STK10: variants seen among roughly 807,000 people sequenced by gnomAD.
The protein encoded by STK10 is serine/threonine kinase 10, also known as serine/threonine-protein kinase 10.
A neutral mutation model predicts 113.8 loss-of-function variants in STK10; 78 were observed. That is an observed-to-expected ratio of 0.69 (90% CI 0.57 to 0.83). The LOEUF is 0.83. Among genes scored for constraint, STK10 ranks in the 40% least tolerant of loss-of-function variants. The pLI, the probability that STK10 is intolerant of heterozygous loss-of-function variation, is 0.00. For synonymous variants in STK10, 465 were observed against 494.7 expected, an observed-to-expected ratio of 0.94 and a Z score of 0.80; for missense variants, 1,109 against 1,280.1, an observed-to-expected ratio of 0.87 and a Z score of 2.04.
At chr5:172,066,321 C>T (rs1422489819) in intron 12 of STK10, among the ~76,000 whole-genome samples, 2 of 130,486 alleles carry the variant, frequency 1.5e-5, no homozygotes, top group African/African-American at 6.0e-5. Flanking sequence ...GGATAAGTTT[C>T]CTATTTTTTT....
chr5:172,102,644 G>A (rs1334092511), intron 7 of STK10, among the ~76,000 whole-genome samples: 1 of 152,128 alleles, frequency 6.6e-6, no homozygotes, highest in Non-Finnish European at 1.5e-5. Flanking sequence ...GGAGGAGATC[G>A]ACTGGGCTGG....
intron 2 of STK10, among the ~76,000 whole-genome samples, chr5:172,140,383 A>AAGT (rs1769949363): frequency 6.6e-6 from 1 of 152,206 alleles, no homozygotes; most frequent in South Asian, 2.1e-4. Flanking sequence ...AACAGTATGG[A>AAGT]AGTTCCTCAA....
chr5:172,185,838 T>C (rs1205405254), intron 1 of STK10, among the ~76,000 whole-genome samples: 6 of 152,216 alleles, frequency 3.9e-5, no homozygotes, highest in Admixed American at 3.9e-4. Context: ...GTGAGCTGGC[T>C]GCCCTCAAAT....
At chr5:172,154,280 C>T (rs1770300688) in intron 2 of STK10, among the ~76,000 whole-genome samples, 1 of 152,214 alleles carries the variant, frequency 6.6e-6, no homozygotes, top group South Asian at 2.1e-4. Context: ...CTTTGAGAAC[C>T]ACTGCAGTAA....
intron 5 of STK10, 188 bp from the exon 6 acceptor site, chr5:172,107,002 G>A (rs1248237404): frequency 3.0e-5 from 14 of 466,452 alleles, no homozygotes; most frequent in Non-Finnish European, 2.6e-5. Flanking sequence ...CCTCCACGCG[G>A]CTCCCCGCCA....
Position 172,093,286 on chromosome 5 carries a change from C to G in STK10, c.1554+126G>C. ...TTGGAGATTAAACTATGAGTCAAACCCAAAACCCCCTAATGAACCACTTAA... is the reference window on the plus strand; with the variant it reads ...TTGGAGATTAAACTATGAGTCAAACGCAAAACCCCCTAATGAACCACTTAA... On this transcript the variant is annotated intron_variant, in intron 9 of 18. Transcript: ENST00000176763. The surrounding 1 kb of genome is among the most constrained non-coding windows in gnomAD (Gnocchi z 4.1). The G allele has an allele frequency of 3.8e-6, 4 of 1,042,248 alleles. No individual in the cohort carries two copies. The highest frequency in any genetic ancestry group is 5.5e-6 in the Non-Finnish European group (4 of 722,588). The allele number at this position is 1,042,248 out of a possible 1,614,324, so 64.6% of individuals were successfully genotyped here.
chr5:172,064,047 G>C (rs376197769), intron 13 of STK10, among the ~76,000 whole-genome samples: 31 of 152,086 alleles, frequency 2.0e-4, no homozygotes, highest in African/African-American at 6.5e-4. Context: ...ACAGGGCTGT[G>C]GGGGGAAGGG....
chr5:172,132,079 T>TA (rs1169911978), intron 2 of STK10, among the ~76,000 whole-genome samples: 11 of 152,200 alleles, frequency 7.2e-5, no homozygotes, highest in African/African-American at 2.7e-4. Context: ...TAGATAAATT[T>TA]CTATTGTTTA....
chr5:172,090,519 A>G (rs1317621007), intron 9 of STK10, among the ~76,000 whole-genome samples, 157 bp from the exon 10 acceptor site: 1 of 152,110 alleles, frequency 6.6e-6, no homozygotes, highest in Non-Finnish European at 1.5e-5. Flanking sequence ...AACTTAACCT[A>G]GGAGCTGGGG....
Position 172,044,867 on chromosome 5 carries a change from A to G in STK10, c.*15T>C, listed in dbSNP as rs761368617. On this transcript the variant is annotated 3_prime_UTR_variant, in exon 19 of 19. Coordinates refer to ENST00000176763, the MANE Select transcript of STK10 (RefSeq NM_005990.4). The surrounding 1 kb of genome is among the most constrained non-coding windows in gnomAD (Gnocchi z 4.5). ...TGGGGCCCACCAAGCTGCCAGCCAC[A>G]GCCCCGGGCGGTTGTTAAGAAGCAT... 2 of 1,614,148 alleles carry G rather than the reference A, an allele frequency of 1.2e-6. No individual in the cohort carries two copies. The highest frequency in any genetic ancestry group is 1.3e-5 in the African/African-American group (1 of 75,052).
intron 7 of STK10, among the ~76,000 whole-genome samples, chr5:172,100,557 C>A (rs1013710695): frequency 1.3e-5 from 2 of 152,122 alleles, no homozygotes; most frequent in African/African-American, 4.8e-5. Context: ...GAGCCTGAGG[C>A]AGGTGCATCA....
At chr5:172,069,221 C>T (rs940253044) in intron 12 of STK10, among the ~76,000 whole-genome samples, 1 of 151,546 alleles carries the variant, frequency 6.6e-6, no homozygotes, top group African/African-American at 2.4e-5. Context: ...CCATAAACAC[C>T]TCTACTAAAA....
At position 172,055,595 on chromosome 5, in the gene STK10, A is replaced by C. The variant is rs1767730807; in HGVS notation, c.2519T>G (p.Ile840Ser). The change falls in exon 16 of 19, where the codon ATC becomes AGC. Residue 840 changes from isoleucine (I) to serine (S), a missense_variant. Ile to Ser is a moderately radical substitution (Grantham distance 142). Coordinates refer to ENST00000176763, the MANE Select transcript of STK10 (RefSeq NM_005990.4). ...GGSAAEQREK[I>S]KQFSQQEEKR... ...CGCAGGCCCGGCCCCCACCTGCTTG[A>C]TCTTCTCACGCTGCTCAGCTGCGCT... 6.7e-7 allele frequency: 1 copy of C among 1,487,792 alleles called. No individual in the cohort carries two copies. Among genetic ancestry groups the C allele is most frequent in the Non-Finnish European group, 9.0e-7 (1 of 1,110,546 alleles). The allele number at this position is 1,487,792 out of a possible 1,614,324, so 92.2% of individuals were successfully genotyped here.
intron 7 of STK10, among the ~76,000 whole-genome samples, chr5:172,103,133 G>C (rs1169630690): frequency 6.6e-6 from 1 of 152,250 alleles, no homozygotes; most frequent in Admixed American, 6.5e-5. Context: ...GACAGCACTG[G>C]AGGTGGGGGC....
At position 172,064,703 on chromosome 5, in the gene STK10, T is replaced by A; in HGVS notation, c.2082+17A>T. The A allele has an allele frequency of 2.5e-6, 4 of 1,613,182 alleles. No homozygotes were observed. The highest frequency in any genetic ancestry group is 3.4e-6 in the Non-Finnish European group (4 of 1,179,258). ...CGCACCAGCCCCTGCGCTCCCCAGC[T>A]GAGGCCAGGGACTCACAAGAAGCTG... On this transcript the variant is annotated intron_variant, in intron 13 of 18. Transcript: ENST00000176763.
chr5:172,146,256 T>G (rs1770086040), intron 2 of STK10, among the ~76,000 whole-genome samples: 1 of 152,164 alleles, frequency 6.6e-6, no homozygotes, highest in Non-Finnish European at 1.5e-5. Flanking sequence ...AATGAATGAC[T>G]GAGTGAATCA....
intron 8 of STK10, among the ~76,000 whole-genome samples, 185 bp from the exon 9 acceptor site, chr5:172,094,145 C>T (rs73321849): frequency 0.011 from 1,701 of 152,162 alleles, 27 homozygotes; most frequent in African/African-American, 0.039. Flanking sequence ...ACAATTACTA[C>T]TTATTTTGAG....
chr5:172,169,923 G>C (rs1291398938), intron 1 of STK10, among the ~76,000 whole-genome samples: 1 of 152,116 alleles, frequency 6.6e-6, no homozygotes, highest in Non-Finnish European at 1.5e-5. Flanking sequence ...CCAGGCCTTC[G>C]TTTCCTGATG....
chr5:172,154,641 G>A (rs1337154398), intron 2 of STK10, among the ~76,000 whole-genome samples: 2 of 152,194 alleles, frequency 1.3e-5, no homozygotes, highest in Admixed American at 1.3e-4. Context: ...AGTGGGCCTG[G>A]AGGAGAAAGC....
Sources: allele counts gnomAD v4.1 joint callset (sites outside exome capture counted in the v4.1 genomes callset), GRCh38; gene constraint gnomAD v4.1.1; non-coding constraint Gnocchi (gnomAD v3.1); transcripts MANE v1.5; gene names NCBI Gene and HGNC (gene_info 2026-07-23, HGNC 2026-07-21).